The following NR6A1 variants were observed in gnomAD, a reference collection of about 807,000 sequenced individuals.
The protein encoded by NR6A1 is retinoic acid receptor-related testis-associated receptor.
Under a neutral mutation model 59.1 loss-of-function variants are expected in NR6A1, and 7 were observed. The ratio of observed to expected loss-of-function variants is 0.12; its 90% CI spans 0.07 to 0.22. The LOEUF (loss-of-function observed/expected upper bound fraction) is 0.22, where lower values mean the gene tolerates loss of function less well. NR6A1 is among the 10% of genes least tolerant of loss of function. The pLI, the probability that NR6A1 is intolerant of heterozygous loss-of-function variation, is 1.00. For synonymous variants in NR6A1, 243 were observed against 236.1 expected (o/e 1.03, Z -0.27); for missense variants, 468 against 611.6 (o/e 0.77, Z 2.48).
intron 2 of NR6A1, among the ~76,000 whole-genome samples, chr9:124,570,453 CT>C (rs1312506642): frequency 1.3e-5 from 2 of 152,118 alleles, no homozygotes; most frequent in East Asian, 3.9e-4. Flanking sequence ...CTGTGTAGGC[CT>C]AGAAACAAAC....
intron 2 of NR6A1, among the ~76,000 whole-genome samples, chr9:124,723,528 T>C (rs1181701426): frequency 6.6e-6 from 1 of 152,218 alleles, no homozygotes; most frequent in Non-Finnish European, 1.5e-5. Context: ...CAATCTCATC[T>C]GAACTATTTA....
At chr9:124,583,316 T>C (rs1367778171) in intron 2 of NR6A1, among the ~76,000 whole-genome samples, 2 of 152,226 alleles carry the variant, frequency 1.3e-5, no homozygotes, top group South Asian at 2.1e-4. Flanking sequence ...TCACAGAGTA[T>C]AACTTCTTAC....
intron 2 of NR6A1, among the ~76,000 whole-genome samples, chr9:124,706,387 T>C (rs1243675258): frequency 1.3e-5 from 2 of 152,224 alleles, no homozygotes; most frequent in South Asian, 2.1e-4. Flanking sequence ...CTGGTATCAC[T>C]CCCTTTCAGC....
At chr9:124,728,637 AAAATAAATAAATAAAT>A (rs57250774) in intron 2 of NR6A1, among the ~76,000 whole-genome samples, 2 of 144,840 alleles carry the variant, frequency 1.4e-5, no homozygotes, top group East Asian at 2.1e-4. Flanking sequence ...TCCGCCTCAA[AAAATAAATAAATAAAT>A]AAATAAATAA....
At chr9:124,596,225 G>C (rs1835267324) in intron 2 of NR6A1, among the ~76,000 whole-genome samples, 1 of 151,222 alleles carries the variant, frequency 6.6e-6, no homozygotes, top group Non-Finnish European at 1.5e-5. Flanking sequence ...TCCAGACTGG[G>C]TTAGAAAATT....
intron 2 of NR6A1, among the ~76,000 whole-genome samples, chr9:124,597,626 C>T (rs1422297396): frequency 6.6e-6 from 1 of 152,194 alleles, no homozygotes; most frequent in African/African-American, 2.4e-5. Flanking sequence ...GTGAGTCCAA[C>T]TAACAATCCT....
At chr9:124,589,402 C>A (rs1041909093) in intron 2 of NR6A1, among the ~76,000 whole-genome samples, 7 of 152,046 alleles carry the variant, frequency 4.6e-5, no homozygotes, top group African/African-American at 1.7e-4. Flanking sequence ...GCCGAGATAG[C>A]ACCACTGCAC....
intron 2 of NR6A1, among the ~76,000 whole-genome samples, chr9:124,721,729 T>C (rs1009180871): frequency 1.3e-5 from 2 of 152,210 alleles, no homozygotes; most frequent in African/African-American, 2.4e-5. Context: ...ACTTCAAAAA[T>C]AGTCTTCATT....
intron 2 of NR6A1, among the ~76,000 whole-genome samples, chr9:124,679,498 G>A (rs190278241): frequency 4.6e-5 from 7 of 152,182 alleles, no homozygotes; most frequent in African/African-American, 1.7e-4. Context: ...CCATCCGTAG[G>A]GAGCCAAAGA....
At chr9:124,665,197 A>G (rs1837576529) in intron 2 of NR6A1, among the ~76,000 whole-genome samples, 1 of 151,470 alleles carries the variant, frequency 6.6e-6, no homozygotes, top group African/African-American at 2.4e-5. Context: ...AAAAAAAAAA[A>G]GAATAAAATA....
intron 2 of NR6A1, among the ~76,000 whole-genome samples, chr9:124,683,517 G>A (rs1838236787): frequency 6.6e-6 from 1 of 152,168 alleles, no homozygotes. Flanking sequence ...ATTGCTGCCG[G>A]GTGTGGTGGC....
rs3983841 is a variant in NR6A1, at chr9:124,654,875, TACAC to T, written c.142+78429_142+78432del. 3.0e-3 allele frequency among the ~76,000 whole-genome samples: 377 copies of T among 123,898 alleles called. 3 individuals are homozygous for T. Among genetic ancestry groups the T allele is most frequent in the East Asian group, 0.024 (103 of 4,336 alleles). 81.3% of individuals were successfully genotyped at this position (123,898 alleles called of 152,430 possible). A position where few individuals can be genotyped will look rare whatever the true frequency, so the allele number is the denominator to read the frequency against. ...TTTATACATACATTTTTTTTTTTTG[TACAC>T]ACACACACACACACACACACACACA... is the stretch of plus-strand genomic sequence containing the variant. On this transcript the variant is annotated intron_variant, in intron 2 of 9. Coordinates refer to ENST00000487099, the MANE Select transcript of NR6A1 (RefSeq NM_033334.4).
At chr9:124,709,989 C>T (rs1801078946) in intron 2 of NR6A1, among the ~76,000 whole-genome samples, 1 of 151,826 alleles carries the variant, frequency 6.6e-6, no homozygotes, top group South Asian at 2.1e-4. Flanking sequence ...AACAATGTCC[C>T]TATTTTAAAC....
chr9:124,767,192 T>G (rs1411973303), intron 1 of NR6A1, among the ~76,000 whole-genome samples: 1 of 152,200 alleles, frequency 6.6e-6, no homozygotes, highest in African/African-American at 2.4e-5. Flanking sequence ...TGGAAATGCA[T>G]GATTTGGACA....
At chr9:124,617,434 T>C (rs1052207657) in intron 2 of NR6A1, among the ~76,000 whole-genome samples, 2 of 152,224 alleles carry the variant, frequency 1.3e-5, no homozygotes, top group African/African-American at 4.8e-5. Flanking sequence ...CACAATTAGC[T>C]AGCGCAGGGC....
intron 2 of NR6A1, among the ~76,000 whole-genome samples, chr9:124,593,914 G>A (rs1042686491): frequency 2.0e-5 from 3 of 152,024 alleles, no homozygotes; most frequent in Non-Finnish European, 2.9e-5. Flanking sequence ...CCTGCCTAGC[G>A]ACTGGCAGGG....
chr9:124,550,375 A>ATT (rs58594452), intron 3 of NR6A1, among the ~76,000 whole-genome samples: 4,590 of 117,346 alleles, frequency 0.039, 42 homozygotes, highest in Non-Finnish European at 0.047. Context: ...CTAATGGTGA[A>ATT]TTTTTTTTTT....
chr9:124,615,892 T>C (rs1366226601), intron 2 of NR6A1, among the ~76,000 whole-genome samples: 1 of 152,024 alleles, frequency 6.6e-6, no homozygotes, highest in African/African-American at 2.4e-5. Context: ...TGCAGTGCAG[T>C]GGCACAATCT....
At chr9:124,628,270 C>T (rs555430085) in intron 2 of NR6A1, among the ~76,000 whole-genome samples, 8 of 151,826 alleles carry the variant, frequency 5.3e-5, no homozygotes, top group African/African-American at 1.9e-4. Context: ...TCAGGTGATC[C>T]GCCCGCCTCG....
Sources: allele counts gnomAD v4.1 joint callset (sites outside exome capture counted in the v4.1 genomes callset), GRCh38; gene constraint gnomAD v4.1.1; transcripts MANE v1.5; gene names NCBI Gene and HGNC (gene_info 2026-07-23, HGNC 2026-07-21).